The following LARP1 variants were observed in gnomAD, a reference collection of about 807,000 sequenced individuals.
The protein encoded by LARP1 is La ribonucleoprotein 1, translational regulator.
In LARP1, 36 loss-of-function variants were observed where a neutral mutation model predicts 122.7. That is an observed-to-expected ratio of 0.29 (90% CI 0.22 to 0.39). LARP1 has a LOEUF of 0.39. LARP1 is among the 10% of genes least tolerant of loss of function. LARP1 has a pLI of 1.00. For missense variants in LARP1, 1,040 were observed against 1,403.6 expected (o/e 0.74, Z 4.14); for synonymous variants, 539 against 528.7 (o/e 1.02, Z -0.27).
At position 154,802,184 on chromosome 5, in the gene LARP1, G is replaced by C. The variant is rs1168469748; in HGVS notation, c.1894G>C (p.Asp632His). ...CACTGCCTGGTCTGATGAGGAATCT[G>C]ACTATGAGATTGATGACAGGGATGT... ...TFTAWSDEES[D>H]YEIDDRDVNK... Residue 632 changes from aspartate to histidine, a missense_variant, in exon 11 of 19, where the codon GAC becomes CAC. Coordinates refer to ENST00000518297, the MANE Select transcript of LARP1 (RefSeq NM_033551.3). The surrounding 1 kb of genome is among the most constrained non-coding windows in gnomAD (Gnocchi z 5.1). The C allele has an allele frequency of 6.2e-7, 1 of 1,614,174 alleles. No individual in the cohort carries two copies.
chr5:154,706,684 C>A (rs1382385925), intron 1 of LARP1, among the ~76,000 whole-genome samples: 2 of 151,290 alleles, frequency 1.3e-5, no homozygotes, highest in Non-Finnish European at 2.9e-5. Flanking sequence ...TATAACAAAC[C>A]CACACACACA....
rs1582503548 is a variant in LARP1 at position 154,814,124 on chromosome 5, G to A, written c.*28G>A. 1 of 1,610,502 alleles carries A rather than the reference G, an allele frequency of 6.2e-7. No homozygotes were observed. Among genetic ancestry groups the A allele is most frequent in the Non-Finnish European group, 8.5e-7 (1 of 1,177,474 alleles). On this transcript the variant is annotated 3_prime_UTR_variant, in exon 19 of 19. Transcript: ENST00000518297. ...AGCTCCTTAGCCCTGGGGCTTGAGG[G>A]GGGAAAGGGGTAGGGTGGGTAAGAG...
intron 1 of LARP1, among the ~76,000 whole-genome samples, chr5:154,719,589 TGGTGG>T (rs1364383715): frequency 6.6e-6 from 1 of 152,170 alleles, no homozygotes; most frequent in African/African-American, 2.4e-5. Flanking sequence ...TAGCCAGGCG[TGGTGG>T]CTCACGCCTG....
At chr5:154,732,009 A>G (rs1756600767) in intron 1 of LARP1, among the ~76,000 whole-genome samples, 1 of 143,504 alleles carries the variant, frequency 7.0e-6, no homozygotes, top group Admixed American at 7.2e-5. Flanking sequence ...TAACAGAGTG[A>G]GACTCCGTCT....
intron 1 of LARP1, among the ~76,000 whole-genome samples, chr5:154,738,602 A>AT (rs1468110476): frequency 6.6e-6 from 1 of 152,146 alleles, no homozygotes; most frequent in Non-Finnish European, 1.5e-5. Flanking sequence ...AAAAAAAAAA[A>AT]GAAGAAACAG....
upstream of LARP1, among the ~76,000 whole-genome samples, chr5:154,751,617 G>C (rs1753495187): frequency 6.6e-6 from 1 of 152,158 alleles, no homozygotes; most frequent in South Asian, 2.1e-4. Context: ...TTTGCTTCCT[G>C]ATGTTTCAGT....
intron 1 of LARP1, among the ~76,000 whole-genome samples, chr5:154,690,919 C>G (rs1754168801): frequency 6.6e-6 from 1 of 152,194 alleles, no homozygotes; most frequent in African/African-American, 2.4e-5. Context: ...CGGTCCTCAG[C>G]CACAGTATAT....
chr5:154,734,385 A>T (rs186350686), intron 1 of LARP1, among the ~76,000 whole-genome samples: 71 of 152,286 alleles, frequency 4.7e-4, no homozygotes, highest in African/African-American at 1.6e-3. Context: ...AATAGGATGA[A>T]TTTTAATTGT....
Position 154,755,462 on chromosome 5 carries a change from G to A in LARP1, c.-296G>A, listed in dbSNP as rs1753776513. 1.2e-5 allele frequency: 10 copies of A among 817,582 alleles called. No individual in the cohort carries two copies. The highest frequency in any genetic ancestry group is 6.2e-5 in the Admixed American group (1 of 16,020). 50.6% of individuals were successfully genotyped at this position (817,582 alleles called of 1,614,324 possible). ...GGAGGGACGGGACTAGAAGCCTGCC[G>A]GGCTCGGGGTGGGGGCGTCTTGCGA... On this transcript the variant is annotated 5_prime_UTR_variant, in exon 1 of 19. Coordinates refer to ENST00000518297, the MANE Select transcript of LARP1 (RefSeq NM_033551.3).
Position 154,802,246 on chromosome 5 carries a change from C to T in LARP1, c.1956C>T (p.Tyr652=). The T allele has an allele frequency of 1.2e-6, 2 of 1,614,234 alleles. No individual in the cohort carries two copies. The highest frequency in any genetic ancestry group is 8.5e-7 in the Non-Finnish European group (1 of 1,180,028). The part of the protein sequence containing the change: ...KILIVTQTPH[Y]MRRHPGGDRT... ...TCATTGTCACCCAGACACCACATTA[C>T]ATGCGCCGGCACCCAGGGGGGGACC... The change falls in exon 11 of 19, where the codon TAC becomes TAT. Residue 652 remains tyrosine (Y), a synonymous_variant. Coordinates refer to ENST00000518297, the MANE Select transcript of LARP1 (RefSeq NM_033551.3). This position sits in a 1 kb window ranked among gnomAD's most constrained non-coding sequence, Gnocchi z 5.1.
chr5:154,813,556 G>C (rs1037881043), intron 18 of LARP1, among the ~76,000 whole-genome samples: 1 of 152,150 alleles, frequency 6.6e-6, no homozygotes, highest in Non-Finnish European at 1.5e-5. Context: ...CTGGCCTTTT[G>C]GGGCAGGTAG....
intron 1 of LARP1, among the ~76,000 whole-genome samples, chr5:154,769,130 C>T (rs1207289119): frequency 6.6e-6 from 1 of 152,196 alleles, no homozygotes; most frequent in Non-Finnish European, 1.5e-5. Context: ...TGAGCCACTG[C>T]CCCTGGCCAA....
chr5:154,762,262 C>G lies in LARP1; in HGVS notation c.436+6069C>G, dbSNP rs538625621. Among the ~76,000 whole-genome samples, 8 of 151,608 alleles carry G rather than the reference C, an allele frequency of 5.3e-5. No homozygotes were observed. In the South Asian group the frequency reaches 1.5e-3, roughly 28 times the overall value. The stretch of plus-strand genomic sequence containing the variant: ...CCATCTCAAAACAAAACAAAAAAAC[C>G]AAAAAAACCTCCTACACAGAGGTAA... On this transcript the variant is annotated intron_variant, in intron 1 of 18. Transcript: ENST00000518297.
At chr5:154,811,713 T>G in intron 18 of LARP1, 73 bp downstream of exon 18, 1 of 1,582,692 alleles carries the variant, frequency 6.3e-7, no homozygotes, top group Non-Finnish European at 8.7e-7. Context: ...ATACTTGGAT[T>G]CTGGTCCAGC....
intron 16 of LARP1, among the ~76,000 whole-genome samples, chr5:154,808,891 C>T (rs964266527): frequency 6.6e-6 from 1 of 151,984 alleles, no homozygotes; most frequent in East Asian, 1.9e-4. Context: ...TATAAAGGAC[C>T]CTATGTAAGT....
At position 154,793,228 on chromosome 5, in the gene LARP1, G is replaced by T. The variant is rs148626846; in HGVS notation, c.740-367G>T. ...GGAAGGGTGGCCCCTTTCCTTTTAGGGACTCAACCTGGAGTTGGTTACTTC... is the reference window on the plus strand; with the variant it reads ...GGAAGGGTGGCCCCTTTCCTTTTAGTGACTCAACCTGGAGTTGGTTACTTC... On this transcript the variant is annotated intron_variant, in intron 4 of 18. Coordinates refer to ENST00000518297, the MANE Select transcript of LARP1 (RefSeq NM_033551.3). Among the ~76,000 whole-genome samples, 19 of 152,106 alleles carry T rather than the reference G, an allele frequency of 1.2e-4. No homozygotes were observed. The East Asian group carries it at 3.5e-3, about 28-fold the overall frequency.
intron 8 of LARP1, among the ~76,000 whole-genome samples, chr5:154,798,690 C>T (rs955957946): frequency 5.3e-5 from 8 of 152,138 alleles, no homozygotes; most frequent in Non-Finnish European, 7.3e-5. Flanking sequence ...GATAGAGTCT[C>T]GCTATTTTGC....
At position 154,815,194 on chromosome 5, in the gene LARP1, G is replaced by C. The variant is rs1310637260; in HGVS notation, c.*1098G>C. 1 of 152,502 alleles carries C rather than the reference G, an allele frequency of 6.6e-6. No individual in the cohort carries two copies. The highest frequency in any genetic ancestry group is 2.4e-5 in the African/African-American group (1 of 41,392). 9.4% of individuals were successfully genotyped at this position (152,502 alleles called of 1,614,324 possible). ...AGAGAGTTGGGAGTGGCTCGAATCA[G>C]AGCCGTGCCCAAGATATCCCTGCTG... On this transcript the variant is annotated 3_prime_UTR_variant, in exon 19 of 19. Coordinates refer to ENST00000518297, the MANE Select transcript of LARP1 (RefSeq NM_033551.3).
At chr5:154,714,702 ATGT>A (rs1391846711) in intron 1 of LARP1, among the ~76,000 whole-genome samples, 8 of 152,080 alleles carry the variant, frequency 5.3e-5, no homozygotes, top group African/African-American at 1.9e-4. Flanking sequence ...ATCTCAGAGA[ATGT>A]TGGTTTCAAG....
Sources: allele counts gnomAD v4.1 joint callset (sites outside exome capture counted in the v4.1 genomes callset), GRCh38; gene constraint gnomAD v4.1.1; non-coding constraint Gnocchi (gnomAD v3.1); transcripts MANE v1.5; gene names NCBI Gene and HGNC (gene_info 2026-07-23, HGNC 2026-07-21).